The following GLYR1 variants were observed in gnomAD, a reference collection of about 807,000 sequenced individuals.
The protein encoded by GLYR1 is glyoxylate reductase 1 homolog, also known as cytokine-like nuclear factor N-PAC.
Under a neutral mutation model 72.7 loss-of-function variants are expected in GLYR1, and 21 were observed. The observed-to-expected ratio is 0.29, with a 90% CI of 0.20 to 0.42. The LOEUF (loss-of-function observed/expected upper bound fraction) is 0.42. Among genes scored for constraint, GLYR1 ranks in the 10% least tolerant of loss-of-function variants. The pLI, the probability that GLYR1 is intolerant of heterozygous loss-of-function variation, is 1.00. For missense variants in GLYR1, 594 were observed against 712.1 expected (o/e 0.83, Z 1.89); for synonymous variants, 392 against 270.2 (o/e 1.45, Z -4.42).
chr16:4,837,972 T>G (rs571165032), intron 3 of GLYR1, among the ~76,000 whole-genome samples: 4 of 142,268 alleles, frequency 2.8e-5, no homozygotes, highest in East Asian at 2.0e-4. Context: ...AATAAATAAA[T>G]AAAGATAAGA....
At chr16:4,844,325 A>G (rs181908613) in intron 3 of GLYR1, among the ~76,000 whole-genome samples, 64 of 152,236 alleles carry the variant, frequency 4.2e-4, no homozygotes, top group Non-Finnish European at 6.8e-4. Flanking sequence ...AAGACTTACT[A>G]TAACAATGTC....
intron 3 of GLYR1, among the ~76,000 whole-genome samples, chr16:4,835,304 G>A (rs934709313): frequency 1.4e-4 from 21 of 152,118 alleles, no homozygotes; most frequent in African/African-American, 4.3e-4. Flanking sequence ...TTTTGTTGAA[G>A]CATCTTACAA....
At chr16:4,806,931 C>T (rs1228056370) in intron 15 of GLYR1, among the ~76,000 whole-genome samples, 5 of 150,718 alleles carry the variant, frequency 3.3e-5, no homozygotes, top group Admixed American at 1.3e-4. Flanking sequence ...TTCAGCCTCC[C>T]GAGTAGCTGG....
intron 3 of GLYR1, among the ~76,000 whole-genome samples, chr16:4,836,517 T>C (rs1257185380): frequency 6.6e-6 from 1 of 152,198 alleles, no homozygotes; most frequent in Non-Finnish European, 1.5e-5. Context: ...TACAGTAGAA[T>C]GAATGACACA....
Position 4,805,138 on chromosome 16 carries a change from G to C in GLYR1, c.*98C>G, listed in dbSNP as rs1596289764. ...TCTGTATAAAAGGAAATGGAGATAG[G>C]TGGGCTGGTCCAGAATGAACTCCCA... On this transcript the variant is annotated 3_prime_UTR_variant, in exon 16 of 16. Coordinates refer to ENST00000321919, the MANE Select transcript of GLYR1 (RefSeq NM_032569.4). The C allele has an allele frequency of 1.1e-6, 1 of 942,470 alleles. No individual in the cohort carries two copies. Among genetic ancestry groups the C allele is most frequent in the East Asian group, 2.4e-5 (1 of 41,042 alleles). The allele number at this position is 942,470 out of a possible 1,614,324, so 58.4% of individuals were successfully genotyped here. A position where few individuals can be genotyped will look rare whatever the true frequency, so the allele number is the denominator to read the frequency against.
intron 7 of GLYR1, 42 bp downstream of exon 7, chr16:4,822,833 C>A: frequency 1.3e-6 from 2 of 1,551,018 alleles, no homozygotes; most frequent in African/African-American, 2.7e-5. Flanking sequence ...CACTCCTTGG[C>A]CAGCCCCTGA....
chr16:4,832,338 C>G, intron 4 of GLYR1, 117 bp from the exon 5 acceptor site: 1 of 1,237,654 alleles, frequency 8.1e-7, no homozygotes, highest in South Asian at 1.5e-5. Context: ...CTCACAATGA[C>G]CCTAGAAATA....
chr16:4,844,335 C>T (rs1188460913), intron 3 of GLYR1, among the ~76,000 whole-genome samples: 1 of 151,468 alleles, frequency 6.6e-6, no homozygotes, highest in Non-Finnish European at 1.5e-5. Flanking sequence ...ATAACAATGT[C>T]AAAGCAAATC....
chr16:4,831,194 A>G (rs927363729), intron 5 of GLYR1, among the ~76,000 whole-genome samples: 2 of 152,124 alleles, frequency 1.3e-5, no homozygotes, highest in East Asian at 1.9e-4. Context: ...CTTCCTCTGA[A>G]GTGCCTCTCA....
chr16:4,834,402 T>C (rs969320181), intron 3 of GLYR1, among the ~76,000 whole-genome samples: 3 of 148,676 alleles, frequency 2.0e-5, no homozygotes, highest in African/African-American at 7.6e-5. Flanking sequence ...TAGGTTCAAG[T>C]GATTCTCCTG....
rs2084202864 is a variant in GLYR1 at position 4,823,819 on chromosome 16, A to C, written c.624+2T>G. ...TGTCCTGCCTGCAGGAGAGCTCCTTACCTCGCTTGCGGTTGGCTGCCATTT... is the reference window on the plus strand; with the variant it reads ...TGTCCTGCCTGCAGGAGAGCTCCTTCCCTCGCTTGCGGTTGGCTGCCATTT... On this transcript the variant is annotated splice_donor_variant, in intron 6 of 15. Transcript: ENST00000321919. LOFTEE classifies it high-confidence loss of function. 2 of 1,612,510 alleles carry C rather than the reference A, an allele frequency of 1.2e-6. No individual in the cohort carries two copies. The highest frequency in any genetic ancestry group is 1.7e-6 in the Non-Finnish European group (2 of 1,179,700).
chr16:4,837,948 T>G (rs1189716526), intron 3 of GLYR1, among the ~76,000 whole-genome samples: 21 of 149,540 alleles, frequency 1.4e-4, no homozygotes, highest in African/African-American at 5.2e-4. Flanking sequence ...AATAAATAAA[T>G]AAATAAATAA....
At chr16:4,844,633 C>A (rs1051293693) in intron 3 of GLYR1, among the ~76,000 whole-genome samples, 22 of 152,172 alleles carry the variant, frequency 1.4e-4, no homozygotes, top group African/African-American at 4.1e-4. Flanking sequence ...TGGTGGTGCA[C>A]ACCTGTGGTC....
At chr16:4,813,695 A>G in intron 12 of GLYR1, 42 bp downstream of exon 12, 1 of 1,510,408 alleles carries the variant, frequency 6.6e-7, no homozygotes, top group South Asian at 1.2e-5. Context: ...TTGGGCTCTG[A>G]TAGAAAAGAT....
chr16:4,845,633 T>C (rs946820561), intron 2 of GLYR1, among the ~76,000 whole-genome samples: 3 of 151,976 alleles, frequency 2.0e-5, no homozygotes, highest in African/African-American at 7.3e-5. Flanking sequence ...AAACACCATA[T>C]TGCAAAGAGA....
At chr16:4,831,696 G>A (rs906849713) in intron 5 of GLYR1, among the ~76,000 whole-genome samples, 6 of 152,062 alleles carry the variant, frequency 3.9e-5, no homozygotes, top group Admixed American at 6.5e-5. Context: ...AATAAGATTC[G>A]GGGTCTCACT....
chr16:4,844,810 G>A (rs892811006), intron 3 of GLYR1, among the ~76,000 whole-genome samples: 1 of 152,206 alleles, frequency 6.6e-6, no homozygotes, highest in Non-Finnish European at 1.5e-5. Context: ...AAACATGTGA[G>A]AAACTGTTTC....
At chr16:4,847,131 A>T in intron 1 of GLYR1, 97 bp downstream of exon 1, 2 of 1,133,472 alleles carry the variant, frequency 1.8e-6, no homozygotes, top group Non-Finnish European at 2.6e-6. Flanking sequence ...CGCGACCTGG[A>T]GCGCATAAAA....
intron 9 of GLYR1, chr16:4,821,137 C>T (rs1419977057): frequency 8.7e-6 from 5 of 573,140 alleles, no homozygotes; most frequent in Non-Finnish European, 1.6e-5. Flanking sequence ...GCCAAGTGCT[C>T]CTTGCTCTTG....
Sources: gnomAD v4.1 joint callset for allele counts (sites outside exome capture counted in the v4.1 genomes callset) on GRCh38, gnomAD v4.1.1 for gene constraint, MANE v1.5 for transcripts, NCBI Gene and HGNC (gene_info 2026-07-23, HGNC 2026-07-21) for gene names.